Variants in KIAA0232 observed in about 807,000 individuals in gnomAD.
KIAA0232 encodes KIAA0232, also known as uncharacterized protein KIAA0232.
Under a neutral mutation model 122.0 loss-of-function variants are expected in KIAA0232, and 27 were observed. That is an observed-to-expected ratio of 0.22 (90% confidence interval 0.16 to 0.31). The LOEUF (loss-of-function observed/expected upper bound fraction) is 0.31, where lower values mean the gene tolerates loss of function less well. KIAA0232 is among the 10% of genes least tolerant of loss of function. KIAA0232 has a pLI of 1.00. For missense variants in KIAA0232, 1,551 were observed against 1,634.2 expected (o/e 0.95, Z 0.88); for synonymous variants, 613 against 587.6 (o/e 1.04, Z -0.63).
At chr4:6,825,697 CAG>C (rs1295222624) in intron 3 of KIAA0232, among the ~76,000 whole-genome samples, 1 of 152,076 alleles carries the variant, frequency 6.6e-6, no homozygotes, top group African/African-American at 2.4e-5. Context: ...CAGAGGGAAC[CAG>C]AGTCATCAGT....
intron 3 of KIAA0232, among the ~76,000 whole-genome samples, chr4:6,829,039 T>A (rs770180958): frequency 1.3e-5 from 2 of 151,976 alleles, no homozygotes; most frequent in African/African-American, 2.4e-5. Context: ...CACATCTCCT[T>A]AATCTCCTTT....
At chr4:6,843,712 G>C (rs1719785941) in intron 4 of KIAA0232, among the ~76,000 whole-genome samples, 1 of 152,046 alleles carries the variant, frequency 6.6e-6, no homozygotes, top group Admixed American at 6.6e-5. Flanking sequence ...AGAGGTTGCA[G>C]TGAGCCAGGA....
intron 6 of KIAA0232, among the ~76,000 whole-genome samples, chr4:6,860,017 G>T (rs1164806939): frequency 1.3e-5 from 2 of 152,142 alleles, no homozygotes; most frequent in Non-Finnish European, 2.9e-5. Flanking sequence ...GGCCTCACAG[G>T]TAGTACTCAC....
intron 3 of KIAA0232, among the ~76,000 whole-genome samples, chr4:6,832,175 G>A (rs1445930090): frequency 1.3e-5 from 2 of 152,058 alleles, no homozygotes; most frequent in Admixed American, 6.6e-5. Context: ...TATATATTTT[G>A]TCTTATCCTC....
intron 2 of KIAA0232, among the ~76,000 whole-genome samples, chr4:6,822,689 G>A (rs1283293691): frequency 6.6e-6 from 1 of 151,376 alleles, no homozygotes; most frequent in African/African-American, 2.4e-5. Flanking sequence ...AATTTGGGGG[G>A]AAGCCATTAA....
chr4:6,862,799 A>C lies in KIAA0232; in HGVS notation c.2417A>C (p.Glu806Ala), dbSNP rs1720949202. 1.2e-6 allele frequency: 2 copies of C among 1,614,022 alleles called. No individual in the cohort carries two copies. Among genetic ancestry groups the C allele is most frequent in the African/African-American group, 2.7e-5 (2 of 74,942 alleles). ...CAAAAAACAGAAAACAAAAATTTTG[A>C]AACTACACAAGTATGTAATGAAAGT... is the stretch of plus-strand genomic sequence containing the variant. ...LEQKTENKNF[E>A]TTQVCNESPH... Residue 806 changes from glutamate (E) to alanine (A), a missense_variant, in exon 7 of 10, where the codon GAA becomes GCA. Around this residue, in one of 5 missense-constraint regions of KIAA0232, gnomAD observed 1,108 missense variants for 1,154.8 expected, o/e 0.96. Transcript: ENST00000307659.
chr4:6,835,047 A>G (rs895236000), intron 3 of KIAA0232, among the ~76,000 whole-genome samples: 3 of 152,156 alleles, frequency 2.0e-5, no homozygotes, highest in African/African-American at 7.2e-5. Context: ...ACTCATTGGT[A>G]CTCAGCTGAC....
chr4:6,880,898 G>T lies in KIAA0232; in HGVS notation c.4120G>T (p.Gly1374Cys). The stretch of plus-strand genomic sequence containing the variant: ...CGCCAGCTCCACCTCGGAAGAGACA[G>T]GCTCAGAAGGCGGAGGCGAGTGGGT... Reference protein sequence around the residue: ...SSASSTSEETGSEGGGEWVGP... With the variant: ...SSASSTSEETCSEGGGEWVGP... The change falls in exon 10 of 10, where the codon GGC becomes TGC. Residue 1374 changes from glycine (G) to cysteine (C), a missense_variant. Around this residue, in one of 5 missense-constraint regions of KIAA0232, gnomAD observed 1,108 missense variants for 1,154.8 expected, o/e 0.96. Transcript: ENST00000307659. 1 of 1,607,784 alleles carries T rather than the reference G, an allele frequency of 6.2e-7. No individual in the cohort carries two copies.
chr4:6,852,975 TG>T (rs756433283), intron 4 of KIAA0232, among the ~76,000 whole-genome samples: 9 of 152,144 alleles, frequency 5.9e-5, no homozygotes, highest in Non-Finnish European at 1.3e-4. Flanking sequence ...CACAGTTCAT[TG>T]GGGGCCCCAG....
chr4:6,837,097 C>CT (rs1286197814), intron 3 of KIAA0232, among the ~76,000 whole-genome samples: 2 of 151,498 alleles, frequency 1.3e-5, no homozygotes, highest in Non-Finnish European at 3.0e-5. Context: ...GGCAGAGGGG[C>CT]CCCCACCTCC....
chr4:6,810,838 C>T (rs1290681830), intron 2 of KIAA0232, among the ~76,000 whole-genome samples: 1 of 152,168 alleles, frequency 6.6e-6, no homozygotes, highest in Non-Finnish European at 1.5e-5. Flanking sequence ...AAAAGCTCAG[C>T]ATCACCAGTC....
intron 3 of KIAA0232, among the ~76,000 whole-genome samples, chr4:6,838,217 C>G (rs6844414): frequency 0.02 from 2,831 of 140,898 alleles, 94 homozygotes; most frequent in African/African-American, 0.071. Context: ...GAGACAGGGT[C>G]TTACTCTGTC....
chr4:6,876,803 C>G (rs776380065), intron 9 of KIAA0232, 46 bp downstream of exon 9: 1 of 1,324,954 alleles, frequency 7.5e-7, no homozygotes, highest in Non-Finnish European at 1.1e-6. Flanking sequence ...CAAACAGCCA[C>G]CACCTCCAGT....
intron 4 of KIAA0232, among the ~76,000 whole-genome samples, chr4:6,842,787 C>G (rs1170744367): frequency 6.6e-6 from 1 of 152,018 alleles, no homozygotes; most frequent in African/African-American, 2.4e-5. Flanking sequence ...TGGGGTTTCA[C>G]CATGTTGGCC....
intron 8 of KIAA0232, among the ~76,000 whole-genome samples, chr4:6,875,400 C>T (rs1222557867): frequency 6.6e-6 from 1 of 152,264 alleles, no homozygotes; most frequent in African/African-American, 2.4e-5. Flanking sequence ...TGAAGTCTGT[C>T]TAATCCCAGA....
At chr4:6,784,281 G>GA (rs1473237202) in intron 1 of KIAA0232, among the ~76,000 whole-genome samples, 1 of 152,176 alleles carries the variant, frequency 6.6e-6, no homozygotes, top group East Asian at 1.9e-4. Flanking sequence ...GAAAGCTCGT[G>GA]AGGGGGTAGG....
rs182124450 is a variant in KIAA0232, at chr4:6,823,453, A to G, written c.-269-732A>G. ...CTCTCCAGCAAGAAGACAAGTTTCA[A>G]TAGTTAAAACAGTATAGCCTGGCTG... On this transcript the variant is annotated intron_variant, in intron 2 of 9. Coordinates refer to ENST00000307659, the MANE Select transcript of KIAA0232 (RefSeq NM_014743.3). Among the ~76,000 whole-genome samples the G allele has an allele frequency of 5.8e-4, 89 of 152,280 alleles. 1 individual carries two copies. Among genetic ancestry groups the G allele is most frequent in the African/African-American group, 1.8e-3 (76 of 41,572 alleles).
intron 3 of KIAA0232, among the ~76,000 whole-genome samples, chr4:6,838,633 T>G (rs768114945): frequency 1.2e-4 from 19 of 152,132 alleles, no homozygotes; most frequent in African/African-American, 1.9e-4. Flanking sequence ...ATTCCACATT[T>G]AAAATAAATC....
At chr4:6,809,427 C>T (rs1717777386) in intron 2 of KIAA0232, among the ~76,000 whole-genome samples, 1 of 152,156 alleles carries the variant, frequency 6.6e-6, no homozygotes, top group Non-Finnish European at 1.5e-5. Context: ...TTTTCTCTGG[C>T]CCCCTAGACT....
Sources: allele counts gnomAD v4.1 joint callset (sites outside exome capture counted in the v4.1 genomes callset), GRCh38; gene constraint gnomAD v4.1.1; regional missense constraint gnomAD v4.1.1; transcripts MANE v1.5; gene names NCBI Gene and HGNC (gene_info 2026-07-23, HGNC 2026-07-21).